Variants in ACO1 observed in about 807,000 individuals in gnomAD.
ACO1 encodes aconitase 1, also known as cytoplasmic aconitate hydratase.
Under a neutral mutation model 105.1 loss-of-function variants are expected in ACO1, and 78 were observed. That is an observed-to-expected ratio of 0.74 (90% CI 0.62 to 0.90). The LOEUF is 0.90. Among genes scored for constraint, ACO1 ranks in the 40% least tolerant of loss-of-function variants. The pLI is 0.00. For synonymous variants in ACO1, 364 were observed against 397.4 expected, an observed-to-expected ratio of 0.92 and a Z score of 1.00; for missense variants, 965 against 1,111.1, an observed-to-expected ratio of 0.87 and a Z score of 1.87.
At chr9:32,448,819 T>C (rs1316833984) in intron 19 of ACO1, 77 bp from the exon 20 acceptor site, 3 of 1,539,030 alleles carry the variant, frequency 1.9e-6, no homozygotes, top group South Asian at 1.1e-5. Context: ...GCCAGCTCTC[T>C]CACAAAGTCT....
intron 1 of ACO1, among the ~76,000 whole-genome samples, chr9:32,388,153 T>G (rs1821192587): frequency 6.6e-6 from 1 of 152,168 alleles, no homozygotes; most frequent in Admixed American, 6.5e-5. Flanking sequence ...GTCTAACCCG[T>G]TGTGTGAATT....
rs1288223083 is a variant in ACO1 at position 32,431,822 on chromosome 9, G to A, written c.1830G>A (p.Lys610=). The A allele has an allele frequency of 9.9e-6, 16 of 1,614,132 alleles. No homozygotes were observed. In the South Asian group the frequency reaches 1.5e-4, roughly 16 times the overall value. Residue 610 remains lysine (K), a synonymous_variant, in exon 15 of 21, where the codon AAG becomes AAA. Coordinates refer to ENST00000309951, the MANE Select transcript of ACO1 (RefSeq NM_002197.3). ...AGTATGTCATCCCGGGGATGTTTAA[G>A]GAAGTCTATCAGAAAATAGAGGTGA... ...ERQYVIPGMF[K]EVYQKIETVN... is the part of the protein sequence containing the mutation.
At chr9:32,397,536 T>G (rs1392934193) in intron 1 of ACO1, among the ~76,000 whole-genome samples, 1 of 152,234 alleles carries the variant, frequency 6.6e-6, no homozygotes, top group East Asian at 1.9e-4. Context: ...ATGTTGTTTA[T>G]GTTCACATAG....
Position 32,431,721 on chromosome 9 carries a change from G to A in ACO1, c.1729G>A (p.Val577Ile), listed in dbSNP as rs747402713. The change falls in exon 15 of 21, where the codon GTA (valine) becomes ATA (isoleucine). Residue 577 changes from valine (V) to isoleucine (I), a missense_variant and splice_region_variant. Physicochemically the swap from Val to Ile is conservative, Grantham distance 29. Transcript: ENST00000309951. The stretch of plus-strand genomic sequence containing the variant: ...ATTAATAAACATTTTTTCCCCAGGA[G>A]TAAATGCAAAGGGACAGCAGGTATT... ...RIDFEKEPLGVNAKGQQVFLK... is the reference protein window; with the variant it reads ...RIDFEKEPLGINAKGQQVFLK... 3.1e-6 allele frequency: 5 copies of A among 1,613,758 alleles called. No homozygotes were observed. Among genetic ancestry groups the A allele is most frequent in the Middle Eastern group, 1.7e-4 (1 of 6,060 alleles).
chr9:32,437,373 C>G (rs1183405625), intron 18 of ACO1, among the ~76,000 whole-genome samples: 1 of 152,188 alleles, frequency 6.6e-6, no homozygotes, highest in Non-Finnish European at 1.5e-5. Context: ...CATACTGCCT[C>G]ACTCGTAACT....
At chr9:32,409,641 A>T (rs751268277) in intron 4 of ACO1, among the ~76,000 whole-genome samples, 14 of 152,084 alleles carry the variant, frequency 9.2e-5, no homozygotes, top group Non-Finnish European at 1.8e-4. Flanking sequence ...GCTTGAGCCC[A>T]GGAGTTTGAT....
At chr9:32,441,702 G>C (rs1055786231) in intron 19 of ACO1, among the ~76,000 whole-genome samples, 2 of 152,170 alleles carry the variant, frequency 1.3e-5, no homozygotes, top group Non-Finnish European at 2.9e-5. Flanking sequence ...ACTCAGGTAG[G>C]GAACTCTAAG....
At chr9:32,389,867 C>T (rs1821230911) in intron 1 of ACO1, among the ~76,000 whole-genome samples, 1 of 149,450 alleles carries the variant, frequency 6.7e-6, no homozygotes, top group Non-Finnish European at 1.5e-5. Context: ...GGTGCAACCT[C>T]AGCTCACTCC....
intron 12 of ACO1, 27 bp downstream of exon 12, chr9:32,427,463 T>C (rs370881682): frequency 2.5e-6 from 4 of 1,613,804 alleles, no homozygotes; most frequent in Admixed American, 3.3e-5. Context: ...TTTTGCACCA[T>C]TGCTTTTGTT....
intron 1 of ACO1, among the ~76,000 whole-genome samples, chr9:32,398,540 CT>C (rs375604050): frequency 0.053 from 7,602 of 144,180 alleles, 433 homozygotes; most frequent in African/African-American, 0.15. Context: ...TTCGGAATTT[CT>C]TTTTTTTTTT....
chr9:32,407,186 T>A, intron 2 of ACO1, 75 bp from the exon 3 acceptor site: 1 of 1,377,970 alleles, frequency 7.3e-7, no homozygotes, highest in East Asian at 2.3e-5. Context: ...ATCAACTTTA[T>A]ATAGAGATTG....
intron 13 of ACO1, 79 bp from the exon 14 acceptor site, chr9:32,430,339 G>A (rs565597544): frequency 7.0e-7 from 1 of 1,434,566 alleles, no homozygotes; most frequent in African/African-American, 1.4e-5. Flanking sequence ...TTGCGATGTG[G>A]AAACTCTTGC....
chr9:32,408,674 T>C (rs769498731), intron 4 of ACO1, 23 bp downstream of exon 4: 14 of 1,612,786 alleles, frequency 8.7e-6, no homozygotes, highest in Non-Finnish European at 1.2e-5. Context: ...AACGAATACC[T>C]GAGTGTTCTG....
chr9:32,434,688 TTAAC>T lies in ACO1; in HGVS notation c.2091_2094del (p.Asn698GlufsTer3). 2 of 1,614,102 alleles carry T rather than the reference TTAAC, an allele frequency of 1.2e-6. No individual in the cohort carries two copies. Among genetic ancestry groups the T allele is most frequent in the South Asian group, 1.1e-5 (1 of 91,080 alleles). The stretch of plus-strand genomic sequence containing the variant: ...AAGAAACAGTCCTGCTGCTCGCTAC[TTAAC>T]TAACAGAGGGTAAGTATGAATGAGG... On this transcript the variant is annotated frameshift_variant, in exon 17 of 21. Transcript: ENST00000309951. LOFTEE classifies it high-confidence loss of function.
At chr9:32,416,664 A>G (rs1485230837) in intron 4 of ACO1, among the ~76,000 whole-genome samples, 1 of 152,128 alleles carries the variant, frequency 6.6e-6, no homozygotes, top group Non-Finnish European at 1.5e-5. Flanking sequence ...GTGAGCACAC[A>G]GCTTTTGCAC....
intron 6 of ACO1, among the ~76,000 whole-genome samples, chr9:32,418,827 G>A (rs1563937316): frequency 6.6e-6 from 1 of 152,134 alleles, no homozygotes; most frequent in Non-Finnish European, 1.5e-5. Context: ...TTTTGATACA[G>A]GTGTTTGGGG....
chr9:32,392,509 C>T (rs1369025455), intron 1 of ACO1, among the ~76,000 whole-genome samples: 2 of 152,220 alleles, frequency 1.3e-5, no homozygotes, highest in African/African-American at 4.8e-5. Flanking sequence ...AACATTGCTG[C>T]TGTTCTTCCC....
chr9:32,426,474 TGTGG>T (rs1453973946), intron 11 of ACO1, among the ~76,000 whole-genome samples: 2 of 152,214 alleles, frequency 1.3e-5, no homozygotes, highest in Non-Finnish European at 2.9e-5. Flanking sequence ...TATTTACATA[TGTGG>T]TTTCCCTACT....
chr9:32,449,717 AG>A (rs1324445959), intron 20 of ACO1, among the ~76,000 whole-genome samples: 2 of 152,188 alleles, frequency 1.3e-5, no homozygotes, highest in African/African-American at 4.8e-5. Flanking sequence ...TACTGCCCTG[AG>A]AAGCTATTTC....
Sources: gnomAD v4.1 joint callset for allele counts (sites outside exome capture counted in the v4.1 genomes callset) on GRCh38, gnomAD v4.1.1 for gene constraint, MANE v1.5 for transcripts, NCBI Gene and HGNC (gene_info 2026-07-23, HGNC 2026-07-21) for gene names.